TMEFF1: variants seen among roughly 807,000 people sequenced by gnomAD.
TMEFF1 encodes tomoregulin-1.
A neutral mutation model predicts 47.5 loss-of-function variants in TMEFF1; 20 were observed. The observed-to-expected ratio is 0.42, with a 90% CI of 0.30 to 0.61. The LOEUF is 0.61. Ranked by LOEUF, TMEFF1 falls within the 20% of genes least tolerant of loss-of-function variation. The probability of loss-of-function intolerance (pLI) is 0.19; values close to 1 mark genes in which losing one functional copy is unlikely to be tolerated. For missense variants in TMEFF1, 411 were observed against 471.1 expected, an observed-to-expected ratio of 0.87 and a Z score of 1.18; for synonymous variants, 162 against 166.3, an observed-to-expected ratio of 0.97 and a Z score of 0.20.
Position 100,473,574 on chromosome 9 carries a change from C to A in TMEFF1, c.30C>A (p.Leu10=). The A allele has an allele frequency of 6.5e-7, 1 of 1,544,992 alleles. No individual in the cohort carries two copies. Among genetic ancestry groups the A allele is most frequent in the Non-Finnish European group, 8.7e-7 (1 of 1,147,778 alleles). ...GCGCCGCAGCCGCTGAGGCGCCGCT[C>A]CGGCTGCCTGCCGCGCCTCCGCTCG... MGAAAAEAP[L]RLPAAPPLAF... is the part of the protein sequence containing the mutation. The change falls in exon 1 of 10, where the codon CTC becomes CTA. Residue 10 remains leucine (L), a synonymous_variant. Transcript: ENST00000374879. This position sits in a 1 kb window ranked among gnomAD's most constrained non-coding sequence, Gnocchi z 5.4.
chr9:100,536,147 T>C (rs1838501885), intron 5 of TMEFF1, among the ~76,000 whole-genome samples: 1 of 152,252 alleles, frequency 6.6e-6, no homozygotes, highest in East Asian at 1.9e-4. Flanking sequence ...TTATTAGTGC[T>C]AGAAGCGTGT....
At chr9:100,548,458 G>T (rs10989151) in intron 6 of TMEFF1, among the ~76,000 whole-genome samples, 5 of 152,028 alleles carry the variant, frequency 3.3e-5, no homozygotes, top group Non-Finnish European at 7.4e-5. Flanking sequence ...TACCATATAA[G>T]AAAGAGTTTT....
intron 5 of TMEFF1, among the ~76,000 whole-genome samples, chr9:100,526,779 G>C (rs567325043): frequency 2.5e-4 from 38 of 151,808 alleles, no homozygotes; most frequent in Admixed American, 2.1e-3. Context: ...GAGTTAGGGA[G>C]TGTTTTTTTC....
At chr9:100,530,093 AGT>A (rs1838347360) in intron 5 of TMEFF1, among the ~76,000 whole-genome samples, 1 of 151,826 alleles carries the variant, frequency 6.6e-6, no homozygotes. Context: ...CATTCAAAGC[AGT>A]GTGTAGAGGG....
At chr9:100,528,364 A>G (rs887977172) in intron 5 of TMEFF1, among the ~76,000 whole-genome samples, 1 of 147,816 alleles carries the variant, frequency 6.8e-6, no homozygotes, top group Non-Finnish European at 1.5e-5. Context: ...AAGAATGTAT[A>G]ACTAGAATAA....
chr9:100,511,118 T>C (rs1020067048), intron 3 of TMEFF1, among the ~76,000 whole-genome samples: 3 of 152,184 alleles, frequency 2.0e-5, no homozygotes, highest in African/African-American at 7.2e-5. Context: ...GGAGAAATTA[T>C]TATGTTTTTA....
intron 1 of TMEFF1, among the ~76,000 whole-genome samples, chr9:100,489,398 C>T (rs778256404): frequency 2.6e-5 from 4 of 152,024 alleles, no homozygotes; most frequent in Non-Finnish European, 5.9e-5. Context: ...ACCATGTTGC[C>T]CAGACTGATC....
In TMEFF1 at chr9:100,509,097, A is replaced by G; in HGVS notation, c.399A>G (p.Lys133=). ...GAAGGGCTGCTTGTAAGCACCAGAA[A>G]GAGATAACAGTAATAGCAAGAGGAC... ...FLRRAACKHQ[K]EITVIARGPC... The change falls in exon 3 of 10, where the codon AAA becomes AAG. Residue 133 remains lysine (K), a synonymous_variant. Coordinates refer to ENST00000374879, the MANE Select transcript of TMEFF1 (RefSeq NM_003692.5). The G allele has an allele frequency of 6.3e-7, 1 of 1,595,900 alleles. No individual in the cohort carries two copies. The highest frequency in any genetic ancestry group is 1.8e-5 in the Admixed American group (1 of 56,430).
At chr9:100,527,029 G>A (rs953084540) in intron 5 of TMEFF1, among the ~76,000 whole-genome samples, 1 of 146,118 alleles carries the variant, frequency 6.8e-6, no homozygotes, top group African/African-American at 2.5e-5. Flanking sequence ...TGTAATTCCA[G>A]CTACTCTGGA....
chr9:100,486,504 C>G (rs550431705), intron 1 of TMEFF1, among the ~76,000 whole-genome samples: 1 of 152,106 alleles, frequency 6.6e-6, no homozygotes, highest in Admixed American at 6.5e-5. Flanking sequence ...GGGCTCCCAA[C>G]GTGTTGGGAT....
chr9:100,516,829 A>G, intron 5 of TMEFF1, 58 bp downstream of exon 5: 1 of 1,566,920 alleles, frequency 6.4e-7, no homozygotes, highest in Non-Finnish European at 8.6e-7. Context: ...CAGTATGATT[A>G]TATTGTGGAA....
chr9:100,512,658 C>A (rs895721859), intron 3 of TMEFF1, among the ~76,000 whole-genome samples: 6 of 152,172 alleles, frequency 3.9e-5, no homozygotes, highest in Non-Finnish European at 8.8e-5. Context: ...ATTAATTGTA[C>A]TTGAGACTGG....
intron 1 of TMEFF1, among the ~76,000 whole-genome samples, chr9:100,495,593 T>TTA (rs1398213623): frequency 1.3e-5 from 2 of 152,160 alleles, no homozygotes; most frequent in South Asian, 4.2e-4. Context: ...TAGCATAGTT[T>TTA]TAAGTACCTA....
intron 5 of TMEFF1, among the ~76,000 whole-genome samples, chr9:100,528,186 C>G (rs1464666854): frequency 6.6e-6 from 1 of 151,102 alleles, no homozygotes; most frequent in Non-Finnish European, 1.5e-5. Context: ...CAGAGCGCCT[C>G]TCCTCCTCCA....
intron 1 of TMEFF1, 109 bp from the exon 2 acceptor site, chr9:100,498,656 G>T: frequency 3.3e-6 from 3 of 895,842 alleles, no homozygotes; most frequent in Non-Finnish European, 5.1e-6. Context: ...TGAATGGGGG[G>T]GCTCAATACA....
chr9:100,516,702 A>C lies in TMEFF1; in HGVS notation c.491A>C (p.His164Pro). Residue 164 changes from histidine to proline, a missense_variant, in exon 5 of 10, where the codon CAC (histidine) becomes CCC (proline). Physicochemically the swap from His to Pro is moderately conservative, Grantham distance 77. Transcript: ENST00000374879. ...GEEEGSGAEV[H>P]RKHSKCGPCK... ...GAGGAAGGGTCAGGGGCAGAAGTTC[A>C]CAGAAAACACTCCAAGTGTGGACCC... is the stretch of plus-strand genomic sequence containing the variant. 1 of 1,613,628 alleles carries C rather than the reference A, an allele frequency of 6.2e-7. No individual in the cohort carries two copies. Among genetic ancestry groups the C allele is most frequent in the East Asian group, 2.2e-5 (1 of 44,862 alleles).
chr9:100,571,459 T>C (rs1465026728), intron 8 of TMEFF1, among the ~76,000 whole-genome samples: 2 of 151,916 alleles, frequency 1.3e-5, no homozygotes, highest in Non-Finnish European at 2.9e-5. Context: ...GCTAAGAGAG[T>C]AGATTTTAAG....
intron 1 of TMEFF1, among the ~76,000 whole-genome samples, chr9:100,490,865 G>GTGTGTA (rs1554682733): frequency 3.2e-4 from 48 of 148,132 alleles, no homozygotes; most frequent in East Asian, 2.5e-3. Flanking sequence ...GTGTGTGTGT[G>GTGTGTA]TGTGTGTATG....
At chr9:100,499,024 G>C in intron 2 of TMEFF1, 150 bp downstream of exon 2, 1 of 704,616 alleles carries the variant, frequency 1.4e-6, no homozygotes, top group Non-Finnish European at 2.3e-6. Flanking sequence ...ATGATGCCCT[G>C]TTATTTGTAT....
Sources: allele counts gnomAD v4.1 joint callset (sites outside exome capture counted in the v4.1 genomes callset), GRCh38; gene constraint gnomAD v4.1.1; non-coding constraint Gnocchi (gnomAD v3.1); transcripts MANE v1.5; gene names NCBI Gene and HGNC (gene_info 2026-07-23, HGNC 2026-07-21).